The following LRRK1 variants were observed in gnomAD, a reference collection of about 807,000 sequenced individuals.
LRRK1 encodes leucine rich repeat kinase 1.
Under a neutral mutation model 209.1 loss-of-function variants are expected in LRRK1, and 113 were observed. That is an observed-to-expected ratio of 0.54 (90% CI 0.46 to 0.63). The LOEUF (loss-of-function observed/expected upper bound fraction) is 0.63, where lower values mean the gene tolerates loss of function less well. Among genes scored for constraint, LRRK1 ranks in the 30% least tolerant of loss-of-function variants. The probability of loss-of-function intolerance (pLI) is 0.00; values close to 1 mark genes in which losing one functional copy is unlikely to be tolerated. For synonymous variants in LRRK1, 1,144 were observed against 1,099.7 expected, an observed-to-expected ratio of 1.04 and a Z score of -0.80; for missense variants, 2,284 against 2,632.2, an observed-to-expected ratio of 0.87 and a Z score of 2.89.
chr15:101,021,585 C>T, intron 13 of LRRK1: 1 of 528,994 alleles, frequency 1.9e-6, no homozygotes. Flanking sequence ...TGGGGATGTA[C>T]TTAGTAGCAG....
intron 20 of LRRK1, among the ~76,000 whole-genome samples, chr15:101,033,705 T>C (rs1356674385): frequency 6.6e-6 from 1 of 152,188 alleles, no homozygotes; most frequent in African/African-American, 2.4e-5. Context: ...CTTTGCTATT[T>C]TGAATAGTGC....
chr15:101,056,157 T>C (rs2141142570), intron 27 of LRRK1, among the ~76,000 whole-genome samples: 1 of 152,388 alleles, frequency 6.6e-6, no homozygotes, highest in African/African-American at 2.4e-5. Flanking sequence ...TGTTATTTCT[T>C]GACCCTTATA....
chr15:101,049,414 G>A (rs114807879), intron 22 of LRRK1: 29 of 470,596 alleles, frequency 6.2e-5, no homozygotes, highest in South Asian at 3.9e-4. Flanking sequence ...CAGGCTGAGC[G>A]TCCCTGACTG....
chr15:101,015,822 G>A (rs1437801609), intron 12 of LRRK1, among the ~76,000 whole-genome samples: 5 of 152,132 alleles, frequency 3.3e-5, no homozygotes, highest in Admixed American at 2.0e-4. Flanking sequence ...ACCACCGACC[G>A]AGTGCTTCAG....
rs578165842 is a variant in LRRK1 at position 101,011,834 on chromosome 15, G to A, written c.1282-174G>A. 2.1e-4 allele frequency among the ~76,000 whole-genome samples: 32 copies of A among 152,264 alleles called. No homozygotes were observed. In the East Asian group the frequency reaches 5.6e-3, roughly 27 times the overall value. ...CCTGTCCCTTCCTTGGAGTAGGGGC[G>A]GGAGGACAAGGACAGTGAGGGTGTG... On this transcript the variant is annotated intron_variant, in intron 9 of 33. Coordinates refer to ENST00000388948, the MANE Select transcript of LRRK1 (RefSeq NM_024652.6).
Position 101,046,576 on chromosome 15 carries a change from C to T in LRRK1, c.3135+424C>T, listed in dbSNP as rs369571207. Among the ~76,000 whole-genome samples the T allele has an allele frequency of 1.6e-4, 25 of 152,336 alleles. 2 individuals are homozygous for T. Among genetic ancestry groups the T allele is most frequent in the Admixed American group, 4.6e-4 (7 of 15,308 alleles). On this transcript the variant is annotated intron_variant, in intron 21 of 33. Transcript: ENST00000388948. ...TTGGAGAACCGTGAAGTTAGAAGCA[C>T]GGTTTTGCCGTCCTGGCTGCACGCT...
chr15:101,014,063 A>G (rs1288265517), intron 10 of LRRK1, among the ~76,000 whole-genome samples: 2 of 151,002 alleles, frequency 1.3e-5, no homozygotes, highest in African/African-American at 2.4e-5. Context: ...GGCTCCTTTC[A>G]CTCTAGAATA....
intron 3 of LRRK1, among the ~76,000 whole-genome samples, chr15:100,978,037 G>A (rs958091387): frequency 1.3e-5 from 2 of 151,558 alleles, no homozygotes; most frequent in Non-Finnish European, 2.9e-5. Context: ...GACATGAGGA[G>A]AGCCAAATGA....
At chr15:101,065,228 G>T in intron 31 of LRRK1, 124 bp from the exon 32 acceptor site, 1 of 1,151,496 alleles carries the variant, frequency 8.7e-7, no homozygotes. Flanking sequence ...GCTGCCCTGA[G>T]GCGCACTGGT....
chr15:100,931,448 C>A (rs1218295322), intron 2 of LRRK1, among the ~76,000 whole-genome samples: 8 of 152,122 alleles, frequency 5.3e-5, no homozygotes, highest in African/African-American at 1.9e-4. Context: ...AAATATGAAG[C>A]CATGTTACGA....
intron 30 of LRRK1, among the ~76,000 whole-genome samples, chr15:101,061,790 C>A (rs995309541): frequency 3.9e-5 from 6 of 152,202 alleles, no homozygotes; most frequent in African/African-American, 1.4e-4. Flanking sequence ...ATAGGAGGAT[C>A]ACGAGGTCAA....
At chr15:101,032,862 T>C (rs1286685644) in intron 20 of LRRK1, among the ~76,000 whole-genome samples, 2 of 152,244 alleles carry the variant, frequency 1.3e-5, no homozygotes, top group Non-Finnish European at 2.9e-5. Flanking sequence ...CCTATCCTTA[T>C]GCCAGTGCCA....
Position 101,058,081 on chromosome 15 carries a change from T to C in LRRK1, c.4619T>C (p.Phe1540Ser), listed in dbSNP as rs749127854. 3.7e-6 allele frequency: 6 copies of C among 1,614,060 alleles called. No homozygotes were observed. The Admixed American group carries it at 5.0e-5, about 13-fold the overall frequency. ...YELCCGKQTA[F>S]FSSQGQEYTV... ...CTGTGCTGTGGGAAGCAGACAGCCTTCTTCTCATCCCAGGGCCAGGAGTAC... is the reference window on the plus strand; with the variant it reads ...CTGTGCTGTGGGAAGCAGACAGCCTCCTTCTCATCCCAGGGCCAGGAGTAC... Residue 1540 changes from phenylalanine to serine, a missense_variant, in exon 29 of 34, where the codon TTC (phenylalanine) becomes TCC (serine). Phe to Ser is a radical substitution (Grantham distance 155). Transcript: ENST00000388948.
At position 101,065,456 on chromosome 15, in the gene LRRK1, A is replaced by G; in HGVS notation, c.5019A>G (p.Thr1673=). 1 of 1,614,224 alleles carries G rather than the reference A, an allele frequency of 6.2e-7. No homozygotes were observed. The highest frequency in any genetic ancestry group is 8.5e-7 in the Non-Finnish European group (1 of 1,180,046). Residue 1673 remains threonine (T), a synonymous_variant, in exon 32 of 34, where the codon ACA becomes ACG. Transcript: ENST00000388948. ...KDSCSYLCSH[T]ANRSKFSIAD... ...GCTGCTCCTACCTGTGCTCACACAC[A>G]GCCAACAGGTCCAAGTTCAGCATCG...
chr15:100,997,237 A>G (rs942232008), intron 6 of LRRK1, among the ~76,000 whole-genome samples: 4 of 152,254 alleles, frequency 2.6e-5, no homozygotes, highest in Non-Finnish European at 2.9e-5. Flanking sequence ...TATTTATACT[A>G]AAACATAATT....
chr15:100,935,071 A>G (rs1463966762), intron 2 of LRRK1, among the ~76,000 whole-genome samples: 4 of 152,180 alleles, frequency 2.6e-5, no homozygotes, highest in Admixed American at 2.6e-4. Flanking sequence ...TCTTAGTCCT[A>G]CACTCCAGGC....
chr15:101,050,460 G>A (rs1418985878), intron 23 of LRRK1, among the ~76,000 whole-genome samples: 2 of 151,838 alleles, frequency 1.3e-5, no homozygotes, highest in African/African-American at 4.9e-5. Flanking sequence ...GGGAGGGGCT[G>A]CCCTGAGAGC....
chr15:100,991,814 A>G (rs933943963), intron 6 of LRRK1, among the ~76,000 whole-genome samples: 6 of 152,178 alleles, frequency 3.9e-5, no homozygotes, highest in Non-Finnish European at 8.8e-5. Context: ...GGTGTCACCA[A>G]TTTATAAGCA....
intron 9 of LRRK1, 85 bp from the exon 10 acceptor site, chr15:101,011,923 C>T: frequency 1.1e-6 from 1 of 950,302 alleles, no homozygotes; most frequent in Non-Finnish European, 1.6e-6. Flanking sequence ...CCATTTTTAA[C>T]ATCAAATTTG....
Sources: allele counts gnomAD v4.1 joint callset (sites outside exome capture counted in the v4.1 genomes callset), GRCh38; gene constraint gnomAD v4.1.1; transcripts MANE v1.5; gene names NCBI Gene and HGNC (gene_info 2026-07-23, HGNC 2026-07-21).